The following BRF1 variants were observed in gnomAD, a reference collection of about 807,000 sequenced individuals.
The protein encoded by BRF1 is transcription factor IIIB 90 kDa subunit.
In BRF1, 59 loss-of-function variants were observed where a neutral mutation model predicts 81.7. The ratio of observed to expected loss-of-function variants is 0.72; its 90% CI spans 0.59 to 0.90. The LOEUF (loss-of-function observed/expected upper bound fraction) is 0.90. BRF1 is among the 40% of genes least tolerant of loss of function. The probability of loss-of-function intolerance (pLI) is 0.00; values close to 1 mark genes in which losing one functional copy is unlikely to be tolerated. For synonymous variants in BRF1, 491 were observed against 395.6 expected, an observed-to-expected ratio of 1.24 and a Z score of -2.86; for missense variants, 1,050 against 936.3, an observed-to-expected ratio of 1.12 and a Z score of -1.58.
chr14:105,293,411 C>G (rs1229897409), intron 1 of BRF1, among the ~76,000 whole-genome samples: 1 of 152,206 alleles, frequency 6.6e-6, no homozygotes, highest in African/African-American at 2.4e-5. Context: ...TTACGGGAAA[C>G]GCTCCCCACC....
chr14:105,222,962 G>A (rs1892529989), intron 10 of BRF1, among the ~76,000 whole-genome samples: 1 of 152,154 alleles, frequency 6.6e-6, no homozygotes, highest in Non-Finnish European at 1.5e-5. Context: ...CAGGCAGTTC[G>A]TGGCCGCCCA....
chr14:105,262,582 A>G (rs1408555978), intron 3 of BRF1, among the ~76,000 whole-genome samples: 1 of 152,196 alleles, frequency 6.6e-6, no homozygotes, highest in African/African-American at 2.4e-5. Flanking sequence ...GTGAAGTTCA[A>G]GGGTACCCAG....
chr14:105,261,945 T>A (rs1460387928), intron 3 of BRF1, among the ~76,000 whole-genome samples: 1 of 147,062 alleles, frequency 6.8e-6, no homozygotes, highest in East Asian at 1.9e-4. Flanking sequence ...AGGCCCCCCC[T>A]GCTCTGAGTG....
At position 105,241,076 on chromosome 14, in the gene BRF1, A is replaced by G. The variant is rs587756935; in HGVS notation, c.694+189T>C. On this transcript the variant is annotated intron_variant, in intron 6 of 17. Coordinates refer to ENST00000547530, the MANE Select transcript of BRF1 (RefSeq NM_001519.4). ...CTTATGCCAGGACACGCAGAGGCCA[A>G]CGGGGCAGCCAGGAGGTCCTGGAGG... Among the ~76,000 whole-genome samples the G allele has an allele frequency of 8.5e-5, 13 of 152,328 alleles. No individual in the cohort carries two copies. In the South Asian group the frequency reaches 2.1e-3, roughly 24 times the overall value.
Position 105,210,516 on chromosome 14 carries a change from C to A in BRF1, c.*35G>T. Reference sequence around the variant, plus strand: ...TGATGCTGAGGAGACCCGCGAGGCCCCCTGCCAGGACATCACCTGCCTGGA... The same window carrying A: ...TGATGCTGAGGAGACCCGCGAGGCCACCTGCCAGGACATCACCTGCCTGGA... On this transcript the variant is annotated 3_prime_UTR_variant, in exon 18 of 18. Coordinates refer to ENST00000547530, the MANE Select transcript of BRF1 (RefSeq NM_001519.4). The surrounding 1 kb of genome is among the most constrained non-coding windows in gnomAD (Gnocchi z 4.7). 1 of 1,608,426 alleles carries A rather than the reference C, an allele frequency of 6.2e-7. No individual in the cohort carries two copies. Among genetic ancestry groups the A allele is most frequent in the South Asian group, 1.1e-5 (1 of 90,868 alleles).
intron 1 of BRF1, among the ~76,000 whole-genome samples, chr14:105,312,331 TTAAA>T (rs1566888549): frequency 6.6e-6 from 1 of 152,226 alleles, no homozygotes; most frequent in Non-Finnish European, 1.5e-5. Flanking sequence ...CTTTAACTTC[TTAAA>T]TAATAATAAC....
chr14:105,247,231 C>T, intron 5 of BRF1: 5 of 985,464 alleles, frequency 5.1e-6, no homozygotes, highest in Non-Finnish European at 6.0e-6. Flanking sequence ...TTTCCGGACT[C>T]TCATGCATAT....
chr14:105,225,494 T>A lies in BRF1; in HGVS notation c.1048+575A>T, dbSNP rs1892941275. Among the ~76,000 whole-genome samples, 3 of 152,290 alleles carry A rather than the reference T, an allele frequency of 2.0e-5. No homozygotes were observed. In the South Asian group the frequency reaches 6.2e-4, roughly 32 times the overall value. On this transcript the variant is annotated intron_variant, in intron 10 of 17. Coordinates refer to ENST00000547530, the MANE Select transcript of BRF1 (RefSeq NM_001519.4). The stretch of plus-strand genomic sequence containing the variant: ...CACAGATCTGATGATTGACCAGACT[T>A]TGTAGCAACAGATACCAAATTCCAA...
intron 10 of BRF1, among the ~76,000 whole-genome samples, chr14:105,225,137 T>C (rs2816644): frequency 0.79 from 120,885 of 152,170 alleles, 49,091 homozygotes; most frequent in East Asian, 1. Flanking sequence ...CCAAAAGTAC[T>C]TCCAGAGTTC....
chr14:105,227,527 T>G (rs189808743), intron 7 of BRF1: 1 of 152,522 alleles, frequency 6.6e-6, no homozygotes, highest in East Asian at 1.9e-4. Context: ...CCCAGGTCCC[T>G]TCTGGCGGCT....
At chr14:105,272,588 A>T in intron 3 of BRF1, 133 bp downstream of exon 3, 1 of 1,176,124 alleles carries the variant, frequency 8.5e-7, no homozygotes, top group Non-Finnish European at 1.2e-6. Context: ...CAACTGAAAC[A>T]GTTCTTCCAG....
chr14:105,241,139 G>T, intron 6 of BRF1, 126 bp downstream of exon 6: 1 of 1,456,142 alleles, frequency 6.9e-7, no homozygotes. Context: ...AGTCAGCCCC[G>T]GGAGGCTGGA....
intron 1 of BRF1, chr14:105,314,404 G>C (rs2058455892): frequency 6.6e-6 from 1 of 151,052 alleles, no homozygotes; most frequent in Non-Finnish European, 1.5e-5. Context: ...GCCTGAAGCT[G>C]GCCGGGACCC....
intron 3 of BRF1, among the ~76,000 whole-genome samples, chr14:105,261,226 C>T (rs1300462309): frequency 2.6e-5 from 4 of 152,162 alleles, no homozygotes; most frequent in Non-Finnish European, 5.9e-5. Context: ...AAAGGAGAGA[C>T]GCGGGAGCAC....
intron 2 of BRF1, among the ~76,000 whole-genome samples, chr14:105,283,155 G>A (rs587719959): frequency 1.4e-4 from 22 of 152,278 alleles, no homozygotes; most frequent in Non-Finnish European, 2.6e-4. Context: ...AGGCAGAGGA[G>A]GACATCACTG....
Position 105,209,408 on chromosome 14 carries a change from C to A in BRF1, c.*1143G>T. On this transcript the variant is annotated 3_prime_UTR_variant, in exon 18 of 18. Coordinates refer to ENST00000547530, the MANE Select transcript of BRF1 (RefSeq NM_001519.4). Reference sequence around the variant, plus strand: ...TCTGGGCGGGGGTAGGGGGGTCTGGCCTGCTGCGGGCCAAGTTGGGGCAGG... The same window carrying A: ...TCTGGGCGGGGGTAGGGGGGTCTGGACTGCTGCGGGCCAAGTTGGGGCAGG... 1 of 662,706 alleles carries A rather than the reference C, an allele frequency of 1.5e-6. No individual in the cohort carries two copies. Among genetic ancestry groups the A allele is most frequent in the Non-Finnish European group, 2.8e-6 (1 of 362,348 alleles). 41.1% of individuals were successfully genotyped at this position (662,706 alleles called of 1,614,324 possible).
Position 105,309,497 on chromosome 14 carries a change from T to C in BRF1, c.-162+5825A>G, listed in dbSNP as rs1013128659. On this transcript the variant is annotated intron_variant, in intron 1 of 17. Transcript: ENST00000327359. This position sits in a 1 kb window ranked among gnomAD's most constrained non-coding sequence, Gnocchi z 4.0. ...TTTCTGTAGGTGTTGCTGTTTGAAA[T>C]ATCTCACACACCTGGACCTGTGTCC... Among the ~76,000 whole-genome samples, 1 of 152,216 alleles carries C rather than the reference T, an allele frequency of 6.6e-6. No individual in the cohort carries two copies. Among genetic ancestry groups the C allele is most frequent in the Admixed American group, 6.5e-5 (1 of 15,272 alleles).
intron 6 of BRF1, 88 bp from the exon 7 acceptor site, chr14:105,229,001 G>A (rs12431703): frequency 2.5e-6 from 3 of 1,212,504 alleles, no homozygotes; most frequent in Non-Finnish European, 3.6e-6. Flanking sequence ...GCGGATCCCG[G>A]TCACGGAGAT....
At chr14:105,294,360 C>A (rs2057647255) in intron 1 of BRF1, among the ~76,000 whole-genome samples, 1 of 152,262 alleles carries the variant, frequency 6.6e-6, no homozygotes, top group South Asian at 2.1e-4. Flanking sequence ...GGGTGACAGA[C>A]TTCCAGCTCT....
Sources: gnomAD v4.1 joint callset for allele counts (sites outside exome capture counted in the v4.1 genomes callset) on GRCh38, gnomAD v4.1.1 for gene constraint, Gnocchi (gnomAD v3.1) non-coding constraint, MANE v1.5 for transcripts, NCBI Gene and HGNC (gene_info 2026-07-23, HGNC 2026-07-21) for gene names.